GALNT16: variants seen among roughly 807,000 people sequenced by gnomAD.
GALNT16 encodes polypeptide N-acetylgalactosaminyltransferase 16.
A neutral mutation model predicts 76.1 loss-of-function variants in GALNT16; 40 were observed. That is an observed-to-expected ratio of 0.53 (90% CI 0.41 to 0.68). GALNT16 has a LOEUF of 0.68. GALNT16 is among the 30% of genes least tolerant of loss of function. GALNT16 has a pLI of 0.00. For missense variants in GALNT16, 621 were observed against 731.9 expected (o/e 0.85, Z 1.75); for synonymous variants, 276 against 285.2 (o/e 0.97, Z 0.32).
chr14:69,325,697 A>AGCTGGG (rs1263125539), intron 4 of GALNT16, among the ~76,000 whole-genome samples: 1 of 152,214 alleles, frequency 6.6e-6, no homozygotes, highest in Non-Finnish European at 1.5e-5. Flanking sequence ...TGCAGATGAT[A>AGCTGGG]GCTGGGCTGG....
the GALNT16 span, among the ~76,000 whole-genome samples, chr14:69,370,721 T>C: frequency 6.6e-6 from 1 of 152,138 alleles, no homozygotes; most frequent in Non-Finnish European, 1.5e-5. Context: ...CAGTATACAC[T>C]CTAAAAGAGA....
chr14:69,278,372 A>G (rs2044500293), intron 1 of GALNT16, among the ~76,000 whole-genome samples: 1 of 152,214 alleles, frequency 6.6e-6, no homozygotes, highest in African/African-American at 2.4e-5. Flanking sequence ...AAGGAAGGAA[A>G]TAAAAATCAC....
At position 69,352,049 on chromosome 14, in the gene GALNT16, T is replaced by A. The variant is rs538872993; in HGVS notation, c.1558T>A (p.Ser520Thr). The change falls in exon 15 of 15, where the codon TCT becomes ACT. Residue 520 changes from serine (S) to threonine (T), a missense_variant. By Grantham distance (58) the Ser-to-Thr change is moderately conservative. Transcript: ENST00000448469. ...CTCCTAGAAATGGAGGAGAAAAGGA[T>A]CTTTCATCCAGCATTCAGTCAGTGG... The part of the protein sequence containing the change: ...EGKQKWRRKG[S>T]FIQHSVSGLC... 6.2e-6 allele frequency: 10 copies of A among 1,612,948 alleles called. No homozygotes were observed. The Admixed American group carries it at 1.5e-4, about 24-fold the overall frequency.
chr14:69,260,549 G>A, intron 1 of GALNT16, 82 bp downstream of exon 1: 10 of 1,021,124 alleles, frequency 9.8e-6, no homozygotes, highest in Non-Finnish European at 1.2e-5. Flanking sequence ...GAGGGCGCGG[G>A]GCCCGGCCAG....
chr14:69,284,744 GTAGT>G (rs771661579), intron 1 of GALNT16, among the ~76,000 whole-genome samples: 18 of 152,134 alleles, frequency 1.2e-4, no homozygotes, highest in Non-Finnish European at 2.1e-4. Flanking sequence ...ATCTCATCTT[GTAGT>G]TCCCATAATC....
At chr14:69,327,328 A>G (rs1234027256) in intron 5 of GALNT16, among the ~76,000 whole-genome samples, 1 of 152,198 alleles carries the variant, frequency 6.6e-6, no homozygotes, top group Non-Finnish European at 1.5e-5. Context: ...ACTGCACTCC[A>G]GCCTGGGTGA....
chr14:69,323,599 C>A (rs2045234913), intron 2 of GALNT16, among the ~76,000 whole-genome samples: 2 of 152,326 alleles, frequency 1.3e-5, no homozygotes, highest in East Asian at 1.9e-4. Context: ...CTCCCTCCCC[C>A]ACAATTCATA....
At chr14:69,266,539 G>A (rs1487252710) in intron 1 of GALNT16, among the ~76,000 whole-genome samples, 2 of 152,188 alleles carry the variant, frequency 1.3e-5, no homozygotes, top group African/African-American at 4.8e-5. Context: ...ATTCTGTAGG[G>A]TTCCAAGGAA....
At chr14:69,338,396 T>G (rs1371556620) in intron 9 of GALNT16, among the ~76,000 whole-genome samples, 1 of 152,204 alleles carries the variant, frequency 6.6e-6, no homozygotes. Flanking sequence ...CCTTCAAGCT[T>G]TTTCCACTGC....
At position 69,333,667 on chromosome 14, in the gene GALNT16, G is replaced by C; in HGVS notation, c.967+67G>C. 1.2e-6 allele frequency: 1 copy of C among 864,200 alleles called. No homozygotes were observed. Among genetic ancestry groups the C allele is most frequent in the Non-Finnish European group, 1.9e-6 (1 of 514,428 alleles). 53.5% of individuals were successfully genotyped at this position (864,200 alleles called of 1,614,324 possible). A position where few individuals can be genotyped will look rare whatever the true frequency, so the allele number is the denominator to read the frequency against. ...AATAACCACAGTTAACCCTGACAGA[G>C]CACTTTCTATGCGTGAGGACCTGCT... On this transcript the variant is annotated intron_variant, in intron 9 of 14. Coordinates refer to ENST00000448469, the MANE Select transcript of GALNT16 (RefSeq NM_001168368.2). This position sits in a 1 kb window ranked among gnomAD's most constrained non-coding sequence, Gnocchi z 4.2.
At chr14:69,260,562 C>G (rs2044251914) in intron 1 of GALNT16, 95 bp downstream of exon 1, 1 of 866,038 alleles carries the variant, frequency 1.2e-6, no homozygotes. Context: ...CCGGCCAGGG[C>G]TGAGTGCCCG....
intron 1 of GALNT16, among the ~76,000 whole-genome samples, chr14:69,308,245 G>A (rs1282129899): frequency 4.0e-5 from 6 of 151,166 alleles, no homozygotes; most frequent in African/African-American, 1.5e-4. Flanking sequence ...AGAGAATTAA[G>A]GTTCACCTGT....
the GALNT16 span, among the ~76,000 whole-genome samples, chr14:69,376,470 ACT>A: frequency 3.1e-3 from 475 of 151,828 alleles, 4 homozygotes; most frequent in African/African-American, 0.011. Flanking sequence ...TTTAACACAA[ACT>A]CTTTCAACTT....
chr14:69,335,939 A>G (rs755559516), intron 9 of GALNT16, among the ~76,000 whole-genome samples: 3 of 152,142 alleles, frequency 2.0e-5, no homozygotes, highest in Non-Finnish European at 4.4e-5. Flanking sequence ...CTTTTAAAAC[A>G]TAGATTATGT....
chr14:69,383,432 G>A, the GALNT16 span, among the ~76,000 whole-genome samples: 639 of 152,344 alleles, frequency 4.2e-3, 6 homozygotes, highest in African/African-American at 0.015. Flanking sequence ...TCTGGTCTGA[G>A]GAGTAACGGC....
Position 69,260,328 on chromosome 14 carries a change from C to A in GALNT16, c.38C>A (p.Thr13Asn). The A allele has an allele frequency of 6.2e-7, 1 of 1,613,120 alleles. No homozygotes were observed. The highest frequency in any genetic ancestry group is 1.7e-5 in the Admixed American group (1 of 60,002). ...KIRANAIAIL[T>N]VAWILGTFYY... ...CGCGCCAATGCCATCGCCATCCTGA[C>A]CGTAGCCTGGATCCTGGGCACTTTC... Residue 13 changes from threonine to asparagine, a missense_variant, in exon 1 of 15, where the codon ACC becomes AAC. Physicochemically the swap from Thr to Asn is moderately conservative, Grantham distance 65 (BLOSUM62 0). Transcript: ENST00000448469.
intron 1 of GALNT16, among the ~76,000 whole-genome samples, chr14:69,285,699 G>A (rs1052108473): frequency 6.6e-6 from 1 of 152,170 alleles, no homozygotes; most frequent in Non-Finnish European, 1.5e-5. Flanking sequence ...CAGAGAAAGA[G>A]GGTCTTGTGA....
In GALNT16 at chr14:69,354,140, G is replaced by A. The variant is rs904225757; in HGVS notation, c.*1972G>A. 2.0e-5 allele frequency: 3 copies of A among 152,900 alleles called. No homozygotes were observed. Among genetic ancestry groups the A allele is most frequent in the African/African-American group, 7.2e-5 (3 of 41,472 alleles). The allele number at this position is 152,900 out of a possible 1,614,324, so 9.5% of individuals were successfully genotyped here. A position where few individuals can be genotyped will look rare whatever the true frequency, so the allele number is the denominator to read the frequency against. ...AAGCCTCCTGCCACAGCTTAGGACAGAACTGGGCCCAGGGCAAAGGCCTCT... is the reference window on the plus strand; with the variant it reads ...AAGCCTCCTGCCACAGCTTAGGACAAAACTGGGCCCAGGGCAAAGGCCTCT... On this transcript the variant is annotated 3_prime_UTR_variant, in exon 15 of 15. Coordinates refer to ENST00000448469, the MANE Select transcript of GALNT16 (RefSeq NM_001168368.2).
At chr14:69,361,753 T>C (rs1212780506), downstream of GALNT16, among the ~76,000 whole-genome samples, 1 of 152,120 alleles carries the variant, frequency 6.6e-6, no homozygotes. Context: ...ACACCTGTAA[T>C]CCCAGCACTT....
Sources: allele counts gnomAD v4.1 joint callset (sites outside exome capture counted in the v4.1 genomes callset), GRCh38; gene constraint gnomAD v4.1.1; non-coding constraint Gnocchi (gnomAD v3.1); transcripts MANE v1.5; gene names NCBI Gene and HGNC (gene_info 2026-07-23, HGNC 2026-07-21).